The following OPN3 variants were observed in gnomAD, a reference collection of about 807,000 sequenced individuals.
The protein encoded by OPN3 is opsin 3, also known as opsin-3.
In OPN3, 29 loss-of-function variants were observed where a neutral mutation model predicts 33.8. That is an observed-to-expected ratio of 0.86 (90% CI 0.64 to 1.17). The LOEUF (loss-of-function observed/expected upper bound fraction) is 1.17, where lower values mean the gene tolerates loss of function less well. OPN3 is among the 50% of genes most tolerant of loss of function. The pLI, the probability that OPN3 is intolerant of heterozygous loss-of-function variation, is 0.00. For synonymous variants in OPN3, 216 were observed against 216.1 expected, an observed-to-expected ratio of 1.00 and a Z score of 0.00; for missense variants, 437 against 514.1, an observed-to-expected ratio of 0.85 and a Z score of 1.45.
chr1:241,632,235 C>A (rs769411537), intron 1 of OPN3: 12 of 153,200 alleles, frequency 7.8e-5, no homozygotes, highest in South Asian at 2.1e-4. Flanking sequence ...GTAAGACGTG[C>A]CTTTCACCTT....
chr1:241,594,668 A>G lies in OPN3; in HGVS notation c.969T>C (p.Leu323=), dbSNP rs1330252879. The change falls in exon 4 of 4, where the codon CTT becomes CTC. Residue 323 remains leucine, a synonymous_variant. Coordinates refer to ENST00000366554, the MANE Select transcript of OPN3 (RefSeq NM_014322.3). ...GGCACCTCAGCAGTCGGAGGCACAGAAGCTGCAAAAGGGATCTTCGAAACT... is the reference window on the plus strand; with the variant it reads ...GGCACCTCAGCAGTCGGAGGCACAGGAGCTGCAAAAGGGATCTTCGAAACT... ...IRKFRRSLLQ[L]LCLRLLRCQR... The G allele has an allele frequency of 1.2e-6, 2 of 1,613,658 alleles. No homozygotes were observed. Among genetic ancestry groups the G allele is most frequent in the African/African-American group, 2.7e-5 (2 of 74,922 alleles).
At chr1:241,613,361 G>A (rs1298058182) in intron 1 of OPN3, among the ~76,000 whole-genome samples, 1 of 152,090 alleles carries the variant, frequency 6.6e-6, no homozygotes. Flanking sequence ...ATTTGCCAAG[G>A]TCACAAGCTA....
intron 3 of OPN3, among the ~76,000 whole-genome samples, chr1:241,596,855 C>T (rs765714755): frequency 7.9e-5 from 12 of 152,182 alleles, no homozygotes; most frequent in African/African-American, 2.7e-4. Context: ...GACAGGGTCT[C>T]GCTCTGTCGC....
intron 1 of OPN3, among the ~76,000 whole-genome samples, chr1:241,620,600 A>G (rs140106336): frequency 3.4e-3 from 514 of 152,360 alleles, no homozygotes; most frequent in Non-Finnish European, 3.7e-3. Flanking sequence ...CAACCTCTGG[A>G]ACTGTGAAAT....
chr1:241,620,736 A>G (rs1405262699), intron 1 of OPN3, among the ~76,000 whole-genome samples: 1 of 152,222 alleles, frequency 6.6e-6, no homozygotes, highest in Non-Finnish European at 1.5e-5. Flanking sequence ...GAGATATTTT[A>G]TATTTTTCTC....
At chr1:241,622,253 TACAC>T (rs1664286936) in intron 1 of OPN3, among the ~76,000 whole-genome samples, 1 of 152,230 alleles carries the variant, frequency 6.6e-6, no homozygotes, top group Non-Finnish European at 1.5e-5. Context: ...TGGCATATGT[TACAC>T]ACTAAGTGTT....
chr1:241,615,762 T>C, intron 1 of OPN3: 3 of 444,608 alleles, frequency 6.7e-6, no homozygotes, highest in South Asian at 4.7e-5. Flanking sequence ...CTCCCAACTG[T>C]GTGCCCTATT....
chr1:241,640,265 C>T lies in OPN3; in HGVS notation c.-11G>A, dbSNP rs1247243604. 9 of 1,194,254 alleles carry T rather than the reference C, an allele frequency of 7.5e-6. No individual in the cohort carries two copies. Among genetic ancestry groups the T allele is most frequent in the African/African-American group, 1.6e-5 (1 of 62,654 alleles). 74.0% of individuals were successfully genotyped at this position (1,194,254 alleles called of 1,614,324 possible). A position where few individuals can be genotyped will look rare whatever the true frequency, so the allele number is the denominator to read the frequency against. ...GTTCCCCGAGTACATGGCCCGGCGC[C>T]GGCGCGCCTGGCGGGCGGAGGCGCT... On this transcript the variant is annotated 5_prime_UTR_variant, in exon 1 of 4. Coordinates refer to ENST00000366554, the MANE Select transcript of OPN3 (RefSeq NM_014322.3).
chr1:241,629,065 T>A (rs1664513271), intron 1 of OPN3: 1 of 152,630 alleles, frequency 6.6e-6, no homozygotes, highest in Non-Finnish European at 1.5e-5. Flanking sequence ...CAATTTGACA[T>A]ATATCAATAT....
intron 1 of OPN3, chr1:241,633,868 T>A: frequency 6.2e-7 from 1 of 1,613,890 alleles, no homozygotes; most frequent in East Asian, 2.2e-5. Flanking sequence ...TGGCCATTAC[T>A]ACATTATTGG....
intron 1 of OPN3, among the ~76,000 whole-genome samples, chr1:241,623,857 T>G (rs1343880071): frequency 6.6e-6 from 1 of 152,226 alleles, no homozygotes; most frequent in Non-Finnish European, 1.5e-5. Flanking sequence ...GTCACCAGGC[T>G]AACCTTTGAA....
rs748735293 is a variant in OPN3 at position 241,634,283 on chromosome 1, C to T, written c.373+5599G>A. 6 of 1,613,884 alleles carry T rather than the reference C, an allele frequency of 3.7e-6. No individual in the cohort carries two copies. In the Admixed American group the frequency reaches 6.7e-5, roughly 18 times the overall value. ...CTTCATGCATGTCATGGTTGAAGAA[C>T]ATAATTCTGTGACCCGTACAGCACA... On this transcript the variant is annotated intron_variant, in intron 1 of 3. Transcript: ENST00000366554.
chr1:241,617,949 A>C (rs182726410), intron 1 of OPN3, among the ~76,000 whole-genome samples: 1 of 152,208 alleles, frequency 6.6e-6, no homozygotes, highest in East Asian at 1.9e-4. Context: ...GAAAAATCTC[A>C]TTTCCTTGGA....
chr1:241,597,920 G>A lies in OPN3; in HGVS notation c.771C>T (p.Cys257=). 6.2e-7 allele frequency: 1 copy of A among 1,613,606 alleles called. No individual in the cohort carries two copies. The highest frequency in any genetic ancestry group is 8.5e-7 in the Non-Finnish European group (1 of 1,179,908). The stretch of plus-strand genomic sequence containing the variant: ...CCAGGAAGGTGAATATCATTAAAAA[G>A]CACATTTTGGCCAGTTTCTTTTCAT... The part of the protein sequence containing the change: ...LKYEKKLAKM[C]FLMIFTFLVC... The change falls in exon 3 of 4, where the codon TGC becomes TGT. Residue 257 remains cysteine (C), a synonymous_variant. Transcript: ENST00000366554.
chr1:241,620,182 T>C (rs144758064), intron 1 of OPN3, among the ~76,000 whole-genome samples: 1,596 of 152,266 alleles, frequency 0.01, 22 homozygotes, highest in African/African-American at 0.036. Context: ...AGCATGTACA[T>C]GCCTAGCAAT....
At chr1:241,635,280 T>A in intron 1 of OPN3, 1 of 1,614,022 alleles carries the variant, frequency 6.2e-7, no homozygotes, top group Non-Finnish European at 8.5e-7. Flanking sequence ...GAAATCTCTG[T>A]ATCACTTTTC....
intron 1 of OPN3, among the ~76,000 whole-genome samples, chr1:241,636,773 TC>T (rs1417451647): frequency 6.6e-6 from 1 of 152,122 alleles, no homozygotes. Flanking sequence ...AAGGAAAACT[TC>T]TGATTTCATA....
intron 1 of OPN3, among the ~76,000 whole-genome samples, chr1:241,638,150 A>C (rs1664974343): frequency 6.6e-6 from 1 of 152,260 alleles, no homozygotes; most frequent in African/African-American, 2.4e-5. Flanking sequence ...CATTAAAAAC[A>C]GGGAGAAAGT....
chr1:241,626,570 A>T (rs1664424264), intron 1 of OPN3, among the ~76,000 whole-genome samples: 1 of 152,210 alleles, frequency 6.6e-6, no homozygotes, highest in Non-Finnish European at 1.5e-5. Flanking sequence ...AATTAACTGT[A>T]TTATTAATTG....
Sources: allele counts gnomAD v4.1 joint callset (sites outside exome capture counted in the v4.1 genomes callset), GRCh38; gene constraint gnomAD v4.1.1; transcripts MANE v1.5; gene names NCBI Gene and HGNC (gene_info 2026-07-23, HGNC 2026-07-21).